Variants in FMN2 observed in about 807,000 individuals in gnomAD.
FMN2 encodes the protein formin 2.
Under a neutral mutation model 142.3 loss-of-function variants are expected in FMN2, and 51 were observed. That is an observed-to-expected ratio of 0.36 (90% CI 0.29 to 0.45). The LOEUF (loss-of-function observed/expected upper bound fraction) is 0.45. FMN2 is among the 20% of genes least tolerant of loss of function. FMN2 has a pLI of 1.00. For missense variants in FMN2, 1,936 were observed against 2,122.8 expected, an observed-to-expected ratio of 0.91 and a Z score of 1.73; for synonymous variants, 882 against 869.8, an observed-to-expected ratio of 1.01 and a Z score of -0.25.
intron 3 of FMN2, among the ~76,000 whole-genome samples, chr1:240,187,937 A>C (rs1033667733): frequency 1.3e-5 from 2 of 152,204 alleles, no homozygotes; most frequent in Admixed American, 6.5e-5. Flanking sequence ...AGAAACTAGC[A>C]ATCGAGACAA....
intron 7 of FMN2, among the ~76,000 whole-genome samples, chr1:240,270,517 T>G (rs772596339): frequency 2.6e-5 from 4 of 152,082 alleles, no homozygotes. Context: ...CAACAGCACC[T>G]CATTGGCTTT....
intron 16 of FMN2, among the ~76,000 whole-genome samples, chr1:240,453,150 A>G (rs1207003609): frequency 6.6e-6 from 1 of 152,216 alleles, no homozygotes; most frequent in Non-Finnish European, 1.5e-5. Flanking sequence ...GCTTTCACAT[A>G]TAGAAACTTC....
intron 15 of FMN2, among the ~76,000 whole-genome samples, chr1:240,416,421 AT>A (rs1674578828): frequency 6.6e-6 from 1 of 151,902 alleles, no homozygotes; most frequent in Non-Finnish European, 1.5e-5. Context: ...ACCACCAAAA[AT>A]TAGACACTGG....
At chr1:240,460,105 C>T (rs1246799103) in intron 16 of FMN2, among the ~76,000 whole-genome samples, 1 of 152,206 alleles carries the variant, frequency 6.6e-6, no homozygotes, top group African/African-American at 2.4e-5. Context: ...ATCTTACATG[C>T]TTTTCTTTTT....
intron 11 of FMN2, among the ~76,000 whole-genome samples, chr1:240,332,547 G>T (rs1671416033): frequency 6.6e-6 from 1 of 151,998 alleles, no homozygotes. Context: ...ATAAATAAGA[G>T]ATTATTTGTG....
At chr1:240,412,949 C>A (rs901356983) in intron 15 of FMN2, among the ~76,000 whole-genome samples, 1 of 151,022 alleles carries the variant, frequency 6.6e-6, no homozygotes, top group Non-Finnish European at 1.5e-5. Flanking sequence ...GGTGAAACCC[C>A]GTCTCTACTA....
At chr1:240,432,744 A>T (rs1221102010) in intron 15 of FMN2, among the ~76,000 whole-genome samples, 1 of 151,806 alleles carries the variant, frequency 6.6e-6, no homozygotes. Context: ...TTTTTGATCC[A>T]TGGGTTATTT....
At chr1:240,387,236 G>A (rs574118707) in intron 14 of FMN2, among the ~76,000 whole-genome samples, 8 of 152,030 alleles carry the variant, frequency 5.3e-5, no homozygotes, top group Non-Finnish European at 7.4e-5. Flanking sequence ...ACTCTACTCC[G>A]CTACTACTTC....
In FMN2 at chr1:240,144,793, G is replaced by A. The variant is rs111509476; in HGVS notation, c.1782+21448G>A. 2.5e-5 allele frequency: 36 copies of A among 1,425,502 alleles called. 1 individual carries two copies. Among genetic ancestry groups the A allele is most frequent in the African/African-American group, 2.4e-4 (17 of 71,248 alleles). The allele number at this position is 1,425,502 out of a possible 1,614,324, so 88.3% of individuals were successfully genotyped here. A position where few individuals can be genotyped will look rare whatever the true frequency, so the allele number is the denominator to read the frequency against. On this transcript the variant is annotated intron_variant, in intron 2 of 17. Transcript: ENST00000319653. ...CATGCTCTGCGTCGTGGACCATGTT[G>A]TAGGGGACGATTTCCTTCACCAGAG... is the stretch of plus-strand genomic sequence containing the variant.
intron 16 of FMN2, among the ~76,000 whole-genome samples, chr1:240,456,739 A>AGCCACTGC (rs1316205754): frequency 6.6e-6 from 1 of 152,208 alleles, no homozygotes; most frequent in Non-Finnish European, 1.5e-5. Context: ...CGTAGGCGTG[A>AGCCACTGC]GCCACTGCAC....
intron 2 of FMN2, chr1:240,144,597 G>A (rs1026232837): frequency 4.3e-5 from 57 of 1,334,660 alleles, no homozygotes; most frequent in East Asian, 3.9e-4. Context: ...TTAGGAAAGC[G>A]GCTAAACTTT....
Position 240,093,530 on chromosome 1 carries a change from G to T in FMN2, c.1421G>T (p.Gly474Val). The T allele has an allele frequency of 6.3e-7, 1 of 1,575,658 alleles. No individual in the cohort carries two copies. The highest frequency in any genetic ancestry group is 8.6e-7 in the Non-Finnish European group (1 of 1,164,136). ...APAKKHRADG[G>V]LAAGLSRSAD... is the part of the protein sequence containing the mutation. ...GCCAAGAAGCACCGGGCCGACGGCG[G>T]CCTTGCGGCCGGCCTGAGCCGCTCG... Residue 474 changes from glycine to valine, a missense_variant, in exon 1 of 18, where the codon GGC becomes GTC. By Grantham distance (109) the Gly-to-Val change is moderately radical. Around this residue, in one of 8 missense-constraint regions of FMN2, gnomAD observed 751 missense variants for 791.8 expected, o/e 0.95. Transcript: ENST00000319653.
chr1:240,249,373 G>A (rs1257260346), intron 6 of FMN2, among the ~76,000 whole-genome samples: 2 of 151,906 alleles, frequency 1.3e-5, no homozygotes, highest in South Asian at 2.1e-4. Flanking sequence ...CCTCATGTAT[G>A]TTCTTGGTGT....
chr1:240,325,674 G>A lies in FMN2; in HGVS notation c.4216-3402G>A, dbSNP rs116645431. ...TCTTACTGAAATCGAACAAGGCAAT[G>A]TTCTGCCTTTTTGTTTCAGCTCTCG... On this transcript the variant is annotated intron_variant, in intron 8 of 17. Coordinates refer to ENST00000319653, the MANE Select transcript of FMN2 (RefSeq NM_020066.5). Among the ~76,000 whole-genome samples the A allele has an allele frequency of 6.6e-3, 999 of 152,288 alleles. 11 individuals carry two copies. The highest frequency in any genetic ancestry group is 0.023 in the African/African-American group (945 of 41,556).
chr1:240,377,382 A>T (rs1263353942), intron 14 of FMN2, among the ~76,000 whole-genome samples: 1 of 151,994 alleles, frequency 6.6e-6, no homozygotes, highest in Non-Finnish European at 1.5e-5. Context: ...TCTGACAAGG[A>T]ATCTATATTA....
chr1:240,446,886 C>T (rs899485213), intron 16 of FMN2, among the ~76,000 whole-genome samples: 7 of 152,112 alleles, frequency 4.6e-5, no homozygotes, highest in African/African-American at 1.2e-4. Flanking sequence ...TCCTCCTGCT[C>T]GACTTTAGGA....
At chr1:240,282,764 C>T (rs745767550) in intron 7 of FMN2, among the ~76,000 whole-genome samples, 11 of 152,150 alleles carry the variant, frequency 7.2e-5, no homozygotes, top group African/African-American at 2.4e-4. Context: ...TAAAATGTTC[C>T]GATGAATATG....
chr1:240,193,052 C>T (rs1665771455), intron 4 of FMN2, among the ~76,000 whole-genome samples: 1 of 152,026 alleles, frequency 6.6e-6, no homozygotes, highest in South Asian at 2.1e-4. Flanking sequence ...TTTTGTTTTT[C>T]CTTGGGGTGG....
chr1:240,139,709 C>T (rs1282890000), intron 2 of FMN2, among the ~76,000 whole-genome samples: 1 of 152,148 alleles, frequency 6.6e-6, no homozygotes, highest in Non-Finnish European at 1.5e-5. Flanking sequence ...GAGCGCTGCC[C>T]AGATTTCAGC....
Sources: gnomAD v4.1 joint callset for allele counts (sites outside exome capture counted in the v4.1 genomes callset) on GRCh38, gnomAD v4.1.1 for gene constraint, gnomAD v4.1.1 regional missense constraint, MANE v1.5 for transcripts, NCBI Gene and HGNC (gene_info 2026-07-23, HGNC 2026-07-21) for gene names.